The following USP20 variants were observed in gnomAD, a reference collection of about 807,000 sequenced individuals.
USP20 encodes ubiquitin carboxyl-terminal hydrolase 20.
A neutral mutation model predicts 124.2 loss-of-function variants in USP20; 80 were observed. The ratio of observed to expected loss-of-function variants is 0.64; its 90% CI spans 0.54 to 0.78. The LOEUF is 0.78. Among genes scored for constraint, USP20 ranks in the 30% least tolerant of loss-of-function variants. USP20 has a pLI of 0.00. For missense variants in USP20, 1,043 were observed against 1,244.4 expected (o/e 0.84, Z 2.44); for synonymous variants, 481 against 512.3 (o/e 0.94, Z 0.83).
intron 6 of USP20, 119 bp downstream of exon 6, chr9:129,858,717 T>G: frequency 7.1e-7 from 1 of 1,412,934 alleles, no homozygotes; most frequent in Non-Finnish European, 9.6e-7. Flanking sequence ...TGTTTCTGGG[T>G]CAGTATGTTT....
intron 1 of USP20, among the ~76,000 whole-genome samples, chr9:129,848,427 C>A (rs2032711066): frequency 6.6e-6 from 1 of 152,094 alleles, no homozygotes; most frequent in Non-Finnish European, 1.5e-5. Context: ...CTGTTAGCCA[C>A]AGGGCTGATT....
At chr9:129,845,465 A>G (rs1227507293) in intron 1 of USP20, among the ~76,000 whole-genome samples, 1 of 152,208 alleles carries the variant, frequency 6.6e-6, no homozygotes, top group Non-Finnish European at 1.5e-5. Context: ...AAAAGAAAGA[A>G]AGGAAAACAG....
In USP20 at chr9:129,868,178, G is replaced by A. The variant is rs61760212; in HGVS notation, c.864G>A (p.Ser288=). The A allele has an allele frequency of 3.2e-3, 5,089 of 1,614,064 alleles. 10 individuals are homozygous for A. The highest frequency in any genetic ancestry group is 3.8e-3 in the Non-Finnish European group (4,442 of 1,179,962). The change falls in exon 11 of 26, where the codon TCG becomes TCA. Residue 288 remains serine, a synonymous_variant. Transcript: ENST00000372429. ...PSEDEFLSCD[S]SSDRGEGDGQ... ...AAGATGAGTTCTTGTCCTGTGACTC[G>A]AGCAGTGACCGGGGTGAGGGTGACG... is the stretch of plus-strand genomic sequence containing the variant.
At chr9:129,861,425 T>G in intron 7 of USP20, 118 bp from the exon 8 acceptor site, 1 of 890,132 alleles carries the variant, frequency 1.1e-6, no homozygotes. Flanking sequence ...TTCCACCATG[T>G]CCTCTTCTTG....
chr9:129,848,166 C>A (rs1462263167), intron 1 of USP20, among the ~76,000 whole-genome samples: 2 of 152,148 alleles, frequency 1.3e-5, no homozygotes, highest in East Asian at 3.9e-4. Flanking sequence ...CATGGTGGCG[C>A]ATGCCTGGAA....
chr9:129,836,927 C>T (rs1343962770), intron 1 of USP20, among the ~76,000 whole-genome samples: 2 of 152,088 alleles, frequency 1.3e-5, no homozygotes, highest in East Asian at 3.9e-4. Flanking sequence ...TCTGAATCTG[C>T]CCATCAAGCA....
At chr9:129,838,623 G>A (rs1193589126) in intron 1 of USP20, among the ~76,000 whole-genome samples, 1 of 152,160 alleles carries the variant, frequency 6.6e-6, no homozygotes, top group East Asian at 1.9e-4. Flanking sequence ...AGATTGCATG[G>A]GGGAAGGCAG....
In USP20 at chr9:129,869,783, G is replaced by A. The variant is rs193265694; in HGVS notation, c.1504G>A (p.Ala502Thr). 419 of 1,614,026 alleles carry A rather than the reference G, an allele frequency of 2.6e-4. No homozygotes were observed. In the African/African-American group the frequency reaches 5.1e-3, roughly 20 times the overall value. The change falls in exon 14 of 26, where the codon GCC becomes ACC. Residue 502 changes from alanine to threonine, a missense_variant. Ala to Thr is a moderately conservative substitution (Grantham distance 58). Coordinates refer to ENST00000372429, the MANE Select transcript of USP20 (RefSeq NM_001110303.4). The part of the protein sequence containing the change: ...IYQNVPAKPG[A>T]CGDSYAAQGW... ...CCAGAATGTGCCGGCCAAGCCAGGCGCCTGTGGGGACAGCTATGCCGCCCA... is the reference window on the plus strand; with the variant it reads ...CCAGAATGTGCCGGCCAAGCCAGGCACCTGTGGGGACAGCTATGCCGCCCA...
chr9:129,860,024 CTA>C (rs1171554918), intron 6 of USP20, among the ~76,000 whole-genome samples: 2 of 150,382 alleles, frequency 1.3e-5, no homozygotes, highest in African/African-American at 4.9e-5. Context: ...GAGCAAGACT[CTA>C]TCTCTTAAAA....
rs2032481153 is a variant in USP20, at chr9:129,845,411, GGTTT to G, written c.-128-4397_-128-4394del. On this transcript the variant is annotated intron_variant, in intron 1 of 25. Transcript: ENST00000372429. ...AGTAACCGATTTAGGTATTTTTTTT[GGTTT>G]GTTTTTGTTTTTAGGAGCAGAGGTT... Among the ~76,000 whole-genome samples the G allele has an allele frequency of 2.6e-5, 4 of 151,874 alleles. No individual in the cohort carries two copies. The South Asian group carries it at 6.2e-4, about 24-fold the overall frequency.
At chr9:129,869,200 C>A in intron 12 of USP20, 110 bp from the exon 13 acceptor site, 1 of 1,334,942 alleles carries the variant, frequency 7.5e-7, no homozygotes, top group Non-Finnish European at 1.1e-6. Context: ...CTTACCCAGT[C>A]ATGTGACTCA....
rs1270771950 is a variant in USP20, at chr9:129,879,566, G to A, written c.2513-7G>A. ...GGCTGAACCCGAGCCCGCTGTGTCT[G>A]TTGCAGAGCCCCCCGGGCCCATTGA... On this transcript the variant is annotated splice_polypyrimidine_tract_variant and splice_region_variant and intron_variant, in intron 23 of 25. Coordinates refer to ENST00000372429, the MANE Select transcript of USP20 (RefSeq NM_001110303.4). This position sits in a 1 kb window ranked among gnomAD's most constrained non-coding sequence, Gnocchi z 4.2. 4 of 1,613,266 alleles carry A rather than the reference G, an allele frequency of 2.5e-6. No homozygotes were observed. The highest frequency in any genetic ancestry group is 3.4e-6 in the Non-Finnish European group (4 of 1,179,898).
chr9:129,862,927 A>ATAATAATAATAAT (rs1554747232), intron 8 of USP20, among the ~76,000 whole-genome samples: 23 of 150,672 alleles, frequency 1.5e-4, no homozygotes, highest in African/African-American at 5.6e-4. Context: ...AATAATAATA[A>ATAATAATAATAAT]AAAAATAAGG....
intron 1 of USP20, 104 bp from the exon 2 acceptor site, chr9:129,849,709 G>A (rs1475074852): frequency 6.6e-6 from 1 of 152,568 alleles, no homozygotes; most frequent in Admixed American, 6.5e-5. Flanking sequence ...GCTGCAGTGA[G>A]CTGTGATCAT....
At chr9:129,848,367 A>G (rs866913505) in intron 1 of USP20, among the ~76,000 whole-genome samples, 59 of 152,220 alleles carry the variant, frequency 3.9e-4, no homozygotes, top group African/African-American at 1.3e-3. Context: ...CTTAAGTTCC[A>G]ATTCTGTGTC....
chr9:129,872,575 G>A (rs1201323073), intron 15 of USP20, among the ~76,000 whole-genome samples: 1 of 152,200 alleles, frequency 6.6e-6, no homozygotes, highest in East Asian at 1.9e-4. Flanking sequence ...CACCTTTGGT[G>A]TTGTGTTTCA....
chr9:129,872,257 G>C (rs1027946545), intron 15 of USP20, among the ~76,000 whole-genome samples: 2 of 151,072 alleles, frequency 1.3e-5, no homozygotes. Context: ...GGTGCAAGCA[G>C]TCCTCCCATC....
intron 4 of USP20, among the ~76,000 whole-genome samples, 181 bp downstream of exon 4, chr9:129,856,541 G>C (rs2033228241): frequency 1.3e-5 from 2 of 152,216 alleles, no homozygotes; most frequent in Admixed American, 1.3e-4. Context: ...TCCTGGGCTG[G>C]CCATTCTGGC....
chr9:129,852,448 C>T, intron 2 of USP20, 92 bp from the exon 3 acceptor site: 1 of 1,153,438 alleles, frequency 8.7e-7, no homozygotes, highest in Non-Finnish European at 1.2e-6. Context: ...GACCAGGACT[C>T]AAGGCCAAAG....
Sources: gnomAD v4.1 joint callset for allele counts (sites outside exome capture counted in the v4.1 genomes callset) on GRCh38, gnomAD v4.1.1 for gene constraint, Gnocchi (gnomAD v3.1) non-coding constraint, MANE v1.5 for transcripts, NCBI Gene and HGNC (gene_info 2026-07-23, HGNC 2026-07-21) for gene names.